Variants in MAF observed in about 807,000 individuals in gnomAD.
The protein encoded by MAF is MAF bZIP transcription factor, also known as transcription factor Maf.
MAF carries 10 observed loss-of-function variants against 22.0 expected under a neutral mutation model. The ratio of observed to expected loss-of-function variants is 0.45; its 90% CI spans 0.28 to 0.77. MAF has a LOEUF of 0.77. Among genes scored for constraint, MAF ranks in the 30% least tolerant of loss-of-function variants. The probability of loss-of-function intolerance (pLI) is 0.12; values close to 1 mark genes in which losing one functional copy is unlikely to be tolerated. For missense variants in MAF, 544 were observed against 548.4 expected (o/e 0.99, Z 0.08); for synonymous variants, 337 against 255.8 (o/e 1.32, Z -3.03).
the MAF span, among the ~76,000 whole-genome samples, chr16:79,468,789 C>A: frequency 6.6e-6 from 1 of 152,104 alleles, no homozygotes; most frequent in Non-Finnish European, 1.5e-5. Flanking sequence ...ACCAGAGAAG[C>A]CAGAGAAGCT....
the MAF span, among the ~76,000 whole-genome samples, chr16:79,420,384 G>A: frequency 3.9e-5 from 6 of 152,284 alleles, no homozygotes; most frequent in East Asian, 1.9e-4. Flanking sequence ...CACAGTGGCC[G>A]CATGTTGACA....
At chr16:79,551,955 T>A in the MAF span, among the ~76,000 whole-genome samples, 4 of 152,040 alleles carry the variant, frequency 2.6e-5, no homozygotes, top group African/African-American at 9.7e-5. Flanking sequence ...TAATTCTGCC[T>A]CCTGCTTCGA....
chr16:79,211,384 T>G, the MAF span, among the ~76,000 whole-genome samples: 1 of 152,192 alleles, frequency 6.6e-6, no homozygotes, highest in East Asian at 1.9e-4. Context: ...TGTCAAAAGT[T>G]ACACCAGCTT....
At chr16:79,432,962 G>C in the MAF span, among the ~76,000 whole-genome samples, 1 of 152,068 alleles carries the variant, frequency 6.6e-6, no homozygotes, top group Non-Finnish European at 1.5e-5. Flanking sequence ...TATTGTATAA[G>C]CTACCTGGTT....
the MAF span, among the ~76,000 whole-genome samples, chr16:79,371,562 T>A: frequency 6.6e-6 from 1 of 152,204 alleles, no homozygotes; most frequent in East Asian, 1.9e-4. Context: ...ACTGGACTCC[T>A]TCCTGCTCCA....
the MAF span, among the ~76,000 whole-genome samples, chr16:79,488,581 C>T: frequency 6.6e-6 from 1 of 152,146 alleles, no homozygotes; most frequent in African/African-American, 2.4e-5. Flanking sequence ...ACAGATGGTG[C>T]TCCTCACATT....
chr16:79,550,348 G>GAGAC, the MAF span, among the ~76,000 whole-genome samples: 1 of 151,744 alleles, frequency 6.6e-6, no homozygotes, highest in African/African-American at 2.4e-5. Context: ...GAGAGAGAGA[G>GAGAC]AGACAGACAG....
the MAF span, among the ~76,000 whole-genome samples, chr16:79,221,800 G>A: frequency 6.6e-6 from 1 of 151,918 alleles, no homozygotes. Context: ...AGGAGTTTCA[G>A]AATTCAAAAA....
At chr16:79,243,658 T>C in the MAF span, among the ~76,000 whole-genome samples, 6 of 152,022 alleles carry the variant, frequency 3.9e-5, no homozygotes, top group Non-Finnish European at 5.9e-5. Context: ...CTGGTACCAT[T>C]CCCTCTAAAA....
the MAF span, among the ~76,000 whole-genome samples, chr16:79,312,117 C>T: frequency 1.3e-5 from 2 of 152,070 alleles, no homozygotes; most frequent in African/African-American, 4.8e-5. Flanking sequence ...CTTCTACCCC[C>T]TTCATCATCA....
intron 1 of MAF, chr16:79,596,727 G>A (rs1187348863): frequency 1.9e-6 from 2 of 1,042,756 alleles, no homozygotes; most frequent in Non-Finnish European, 2.3e-6. Context: ...AACATTTACT[G>A]ATTATTGCCT....
At chr16:79,405,273 G>A in the MAF span, among the ~76,000 whole-genome samples, 1 of 152,268 alleles carries the variant, frequency 6.6e-6, no homozygotes, top group East Asian at 1.9e-4. Flanking sequence ...TGAAGTCTGA[G>A]CAAGAGGTTC....
At chr16:79,240,051 C>T in the MAF span, among the ~76,000 whole-genome samples, 1 of 151,830 alleles carries the variant, frequency 6.6e-6, no homozygotes, top group Non-Finnish European at 1.5e-5. Flanking sequence ...CATGGCTTCC[C>T]TTCTCTTTGC....
At chr16:79,477,406 G>A in the MAF span, among the ~76,000 whole-genome samples, 56,622 of 151,670 alleles carry the variant, frequency 0.37, 11,610 homozygotes, top group Non-Finnish European at 0.46. Flanking sequence ...AATAAAGAAG[G>A]CCAGCCTCCA....
chr16:79,517,381 T>C, the MAF span, among the ~76,000 whole-genome samples: 1 of 152,250 alleles, frequency 6.6e-6, no homozygotes, highest in Non-Finnish European at 1.5e-5. Flanking sequence ...GCTGTTTCAC[T>C]TAATTACATA....
At chr16:79,491,466 T>C in the MAF span, among the ~76,000 whole-genome samples, 2 of 152,124 alleles carry the variant, frequency 1.3e-5, no homozygotes, top group African/African-American at 2.4e-5. Flanking sequence ...AGCTTCGCAG[T>C]CTCGAGTCCC....
At chr16:79,426,210 G>GAAAAA in the MAF span, among the ~76,000 whole-genome samples, 1 of 146,932 alleles carries the variant, frequency 6.8e-6, no homozygotes. Flanking sequence ...CATCTCAAAA[G>GAAAAA]AAAAAAAAAA....
At chr16:79,596,904 T>C (rs1391133117) in intron 1 of MAF, 5 of 1,050,024 alleles carry the variant, frequency 4.8e-6, no homozygotes, top group African/African-American at 1.7e-5. Context: ...TTGTATTATA[T>C]GCTTGCAGGT....
chr16:79,420,957 C>T, the MAF span, among the ~76,000 whole-genome samples: 1 of 151,956 alleles, frequency 6.6e-6, no homozygotes, highest in Admixed American at 6.6e-5. Flanking sequence ...TCGCTGGAAC[C>T]CGGGAGGCGG....
Sources: gnomAD v4.1 joint callset for allele counts (sites outside exome capture counted in the v4.1 genomes callset) on GRCh38, gnomAD v4.1.1 for gene constraint, MANE v1.5 for transcripts, NCBI Gene and HGNC (gene_info 2026-07-23, HGNC 2026-07-21) for gene names.